Variants in NAV2 observed in about 807,000 individuals in gnomAD.
The protein encoded by NAV2 is neuron navigator 2, also known as helicase, APC down-regulated 1.
NAV2 carries 54 observed loss-of-function variants against 223.2 expected under a neutral mutation model. That is an observed-to-expected ratio of 0.24 (90% CI 0.19 to 0.30). The LOEUF (loss-of-function observed/expected upper bound fraction) is 0.30, where lower values mean the gene tolerates loss of function less well. NAV2 is among the 10% of genes least tolerant of loss of function. The pLI, the probability that NAV2 is intolerant of heterozygous loss-of-function variation, is 1.00. For missense variants in NAV2, 2,806 were observed against 3,147.5 expected (o/e 0.89, Z 2.60); for synonymous variants, 1,279 against 1,239.3 (o/e 1.03, Z -0.67).
intron 1 of NAV2, chr11:19,714,472 TG>T (rs976893894): frequency 6.6e-6 from 3 of 456,346 alleles, no homozygotes; most frequent in Non-Finnish European, 1.3e-5. Flanking sequence ...GCTCTTCCCT[TG>T]GCTTGAAGAT....
chr11:20,100,820 G>A lies in NAV2; in HGVS notation c.6182-117G>A, dbSNP rs181286915. The A allele has an allele frequency of 8.7e-4, 693 of 792,276 alleles. 3 individuals carry two copies. The African/African-American group carries it at 9.3e-3, about 11-fold the overall frequency. The allele number at this position is 792,276 out of a possible 1,614,324, so 49.1% of individuals were successfully genotyped here. ...GTTCCTGGGTGTGCAGGAGTCTCAG[G>A]TGAGTGGACTGCCGAGGAGAGGAAT... On this transcript the variant is annotated intron_variant, in intron 31 of 37. Coordinates refer to ENST00000349880, the MANE Select transcript of NAV2 (RefSeq NM_145117.5).
At chr11:19,817,841 C>A (rs2152836059) in intron 1 of NAV2, among the ~76,000 whole-genome samples, 1 of 152,302 alleles carries the variant, frequency 6.6e-6, no homozygotes, top group Admixed American at 6.5e-5. Context: ...GGAAGCGGAA[C>A]TTGGCACCTC....
At chr11:19,430,143 C>A (rs1396739137) in intron 1 of NAV2, among the ~76,000 whole-genome samples, 1 of 152,112 alleles carries the variant, frequency 6.6e-6, no homozygotes, top group Non-Finnish European at 1.5e-5. Flanking sequence ...GTCCCCTTAC[C>A]CCCACCCCTC....
rs146473620 is a variant in NAV2 at position 19,450,772 on chromosome 11, G to A, written c.75+99745G>A. On this transcript the variant is annotated intron_variant, in intron 1 of 37. Coordinates refer to the NAV2 transcript ENST00000360655. ...AATCAGTTTGGTTTGGCAGGGACGC[G>A]TTTGTGTAGAGTTTTCACCAAATGG... 1.1e-4 allele frequency among the ~76,000 whole-genome samples: 17 copies of A among 152,258 alleles called. No individual in the cohort carries two copies. The East Asian group carries it at 1.5e-3, about 14-fold the overall frequency.
At chr11:19,854,939 C>G (rs1470424606) in intron 3 of NAV2, among the ~76,000 whole-genome samples, 1 of 152,100 alleles carries the variant, frequency 6.6e-6, no homozygotes, top group Non-Finnish European at 1.5e-5. Context: ...CATGTTTCTC[C>G]CCAGCTCTGG....
At chr11:20,005,253 A>ATATAT (rs1277010848) in intron 11 of NAV2, among the ~76,000 whole-genome samples, 7 of 134,554 alleles carry the variant, frequency 5.2e-5, no homozygotes, top group African/African-American at 2.0e-4. Flanking sequence ...ATATATATAT[A>ATATAT]TTTTTTTTTT....
Position 19,412,523 on chromosome 11 carries a change from C to T in NAV2, c.75+61496C>T, listed in dbSNP as rs182882907. ...CAGCAGACTTAAACGTCTGCTGAAA[C>T]GTCTCTCTGAAGAGAGCAGTGGATC... On this transcript the variant is annotated intron_variant, in intron 1 of 37. Coordinates refer to the NAV2 transcript ENST00000360655. Among the ~76,000 whole-genome samples the T allele has an allele frequency of 7.5e-4, 114 of 151,998 alleles. 1 individual carries two copies. The highest frequency in any genetic ancestry group is 2.7e-3 in the African/African-American group (113 of 41,426).
intron 10 of NAV2, among the ~76,000 whole-genome samples, chr11:19,975,438 C>T (rs10833211): frequency 0.53 from 79,994 of 152,054 alleles, 23,824 homozygotes; most frequent in Middle Eastern, 0.71. Context: ...AATTAAAATG[C>T]TCCTGGACTT....
rs536284166 is a variant in NAV2 at position 20,071,223 on chromosome 11, G to A, written c.4983+2825G>A. 3.3e-5 allele frequency among the ~76,000 whole-genome samples: 5 copies of A among 150,108 alleles called. No individual in the cohort carries two copies. In the East Asian group the frequency reaches 9.9e-4, roughly 30 times the overall value. ...TGAGAACATCCAGTGTTTGGTTTTT[G>A]GTTCTTGTGTTAGTTTGCTGAGAAT... On this transcript the variant is annotated intron_variant, in intron 22 of 37. Transcript: ENST00000349880.
At chr11:19,692,111 C>T (rs1012021193) in intron 1 of NAV2, among the ~76,000 whole-genome samples, 1 of 152,216 alleles carries the variant, frequency 6.6e-6, no homozygotes, top group African/African-American at 2.4e-5. Context: ...CGGCTCTTCT[C>T]CTGCCAAAAT....
At chr11:19,371,955 T>C (rs1209336603) in intron 1 of NAV2, among the ~76,000 whole-genome samples, 1 of 151,972 alleles carries the variant, frequency 6.6e-6, no homozygotes, top group Non-Finnish European at 1.5e-5. Flanking sequence ...TTTTTGTATT[T>C]TTTAGTAGAG....
intron 1 of NAV2, among the ~76,000 whole-genome samples, chr11:19,415,123 C>G (rs776591559): frequency 6.6e-6 from 1 of 151,874 alleles, no homozygotes; most frequent in South Asian, 2.1e-4. Context: ...GATAGAGACA[C>G]GAAAAACCCT....
chr11:19,987,891 T>C (rs1162065199), intron 11 of NAV2, among the ~76,000 whole-genome samples: 1 of 152,164 alleles, frequency 6.6e-6, no homozygotes, highest in Non-Finnish European at 1.5e-5. Flanking sequence ...TTACACATCA[T>C]AGGCTCCAGA....
chr11:19,977,840 G>A lies in NAV2; in HGVS notation c.2646-6285G>A, dbSNP rs115573700. ...TTTTTTTGAGACAGGGTTTCACTCC[G>A]GTTGCCCAGGCTGGAGTGCAATGGC... is the stretch of plus-strand genomic sequence containing the variant. On this transcript the variant is annotated intron_variant, in intron 10 of 37. Transcript: ENST00000349880. 2.0e-3 allele frequency among the ~76,000 whole-genome samples: 257 copies of A among 130,374 alleles called. 1 individual carries two copies. The highest frequency in any genetic ancestry group is 6.9e-3 in the African/African-American group (232 of 33,462). The allele number at this position is 130,374 out of a possible 152,430, so 85.5% of individuals were successfully genotyped here.
chr11:19,672,204 A>AGT (rs2048592789), intron 1 of NAV2, among the ~76,000 whole-genome samples: 1 of 152,232 alleles, frequency 6.6e-6, no homozygotes, highest in Admixed American at 6.5e-5. Context: ...AGCAAAGTGC[A>AGT]GTGCACAGTC....
At chr11:19,855,769 G>A (rs990685368) in intron 3 of NAV2, among the ~76,000 whole-genome samples, 1 of 152,184 alleles carries the variant, frequency 6.6e-6, no homozygotes, top group Non-Finnish European at 1.5e-5. Flanking sequence ...ACCCTAACCA[G>A]AGCAAAGGGC....
chr11:19,886,401 C>T (rs1320191337), intron 5 of NAV2, among the ~76,000 whole-genome samples: 1 of 152,188 alleles, frequency 6.6e-6, no homozygotes, highest in Non-Finnish European at 1.5e-5. Context: ...ACACGTTACC[C>T]AGACTCGGTG....
chr11:19,584,890 T>C (rs1187275509), intron 1 of NAV2, among the ~76,000 whole-genome samples: 2 of 152,246 alleles, frequency 1.3e-5, no homozygotes, highest in Non-Finnish European at 2.9e-5. Context: ...AGATGTCTAT[T>C]GGGTCCGCTT....
chr11:19,964,809 C>CTTTTTTTTTTT (rs71050695), intron 10 of NAV2, among the ~76,000 whole-genome samples: 1 of 57,550 alleles, frequency 1.7e-5, no homozygotes, highest in Non-Finnish European at 3.2e-5. Context: ...CCTCATTCTA[C>CTTTTTTTTTTT]TTTTTTTTTT....
Sources: allele counts gnomAD v4.1 joint callset (sites outside exome capture counted in the v4.1 genomes callset), GRCh38; gene constraint gnomAD v4.1.1; transcripts MANE v1.5; gene names NCBI Gene and HGNC (gene_info 2026-07-23, HGNC 2026-07-21).